PPP5C: variants seen among roughly 807,000 people sequenced by gnomAD.
PPP5C encodes the protein protein phosphatase 5 catalytic subunit, also known as serine/threonine-protein phosphatase 5.
In PPP5C, 21 loss-of-function variants were observed where a neutral mutation model predicts 66.7. The observed-to-expected ratio is 0.31, with a 90% CI of 0.22 to 0.45. PPP5C has a LOEUF of 0.45. PPP5C is among the 20% of genes least tolerant of loss of function. PPP5C has a pLI of 1.00. For synonymous variants in PPP5C, 246 were observed against 257.4 expected (o/e 0.96, Z 0.43); for missense variants, 464 against 675.9 (o/e 0.69, Z 3.48).
intron 1 of PPP5C, among the ~76,000 whole-genome samples, chr19:46,350,688 G>C (rs1037897256): frequency 6.6e-6 from 1 of 152,162 alleles, no homozygotes; most frequent in African/African-American, 2.4e-5. Context: ...AATCCTCCCC[G>C]GGGGCTGGGA....
At position 46,387,396 on chromosome 19, in the gene PPP5C, G is replaced by T. The variant is rs780293038; in HGVS notation, c.1078G>T (p.Gly360Cys). The T allele has an allele frequency of 1.2e-6, 2 of 1,611,218 alleles. No homozygotes were observed. The highest frequency in any genetic ancestry group is 1.7e-6 in the Non-Finnish European group (2 of 1,177,598). The change falls in exon 9 of 13, where the codon GGT becomes TGT. Residue 360 changes from glycine (G) to cysteine (C), a missense_variant. Physicochemically the swap from Gly to Cys is radical, Grantham distance 159. Around this residue, in one of 2 missense-constraint regions of PPP5C, gnomAD observed 387 missense variants for 626.0 expected, o/e 0.62. Coordinates refer to ENST00000012443, the MANE Select transcript of PPP5C (RefSeq NM_006247.4). ...IMHGGLFSED[G>C]VTLDDIRKIE... Reference sequence around the variant, plus strand: ...GCACGGAGGCCTGTTCAGTGAAGACGGTGTCACCCTGGATGACATCCGGAA... The same window carrying T: ...GCACGGAGGCCTGTTCAGTGAAGACTGTGTCACCCTGGATGACATCCGGAA...
intron 1 of PPP5C, among the ~76,000 whole-genome samples, chr19:46,349,059 T>C (rs1302335016): frequency 6.6e-6 from 1 of 150,828 alleles, no homozygotes; most frequent in Non-Finnish European, 1.5e-5. Flanking sequence ...AGTGGAGAAA[T>C]GGGGGAGGGT....
chr19:46,375,853 C>G (rs1972685756), intron 3 of PPP5C, 102 bp downstream of exon 3: 9 of 1,471,902 alleles, frequency 6.1e-6, no homozygotes, highest in South Asian at 2.8e-5. Context: ...GCCCCTTGTT[C>G]TGTCCCCAGG....
rs553661226 is a variant in PPP5C at position 46,353,249 on chromosome 19, C to T, written c.122-499C>T. Among the ~76,000 whole-genome samples the T allele has an allele frequency of 1.0e-3, 156 of 152,256 alleles. 1 individual carries two copies. Among genetic ancestry groups the T allele is most frequent in the Non-Finnish European group, 8.1e-4 (55 of 68,020 alleles). ...GCTATAGCTCATCTCAAATAAAATCCGACCTCTCCTCCTTGGCCAGATGTC... is the reference window on the plus strand; with the variant it reads ...GCTATAGCTCATCTCAAATAAAATCTGACCTCTCCTCCTTGGCCAGATGTC... On this transcript the variant is annotated intron_variant, in intron 1 of 12. Transcript: ENST00000012443.
At chr19:46,355,043 T>A (rs1972259916) in intron 2 of PPP5C, among the ~76,000 whole-genome samples, 2 of 152,236 alleles carry the variant, frequency 1.3e-5, no homozygotes, top group Admixed American at 1.3e-4. Context: ...GAACTGGGAT[T>A]ACTCCCCTTG....
At chr19:46,361,040 G>GT (rs1292951029) in intron 2 of PPP5C, among the ~76,000 whole-genome samples, 2 of 148,454 alleles carry the variant, frequency 1.3e-5, no homozygotes, top group African/African-American at 2.5e-5. Flanking sequence ...CCCCTTTTTT[G>GT]TTTTTTCTGT....
rs575982068 is a variant in PPP5C at position 46,365,521 on chromosome 19, T to C, written c.364-10083T>C. ...GTGTCACTCTTCCAGGTGTCACCAG[T>C]GAATCGTGAGGCATGTTCTTATGTG... On this transcript the variant is annotated intron_variant, in intron 2 of 12. Coordinates refer to ENST00000012443, the MANE Select transcript of PPP5C (RefSeq NM_006247.4). Among the ~76,000 whole-genome samples the C allele has an allele frequency of 2.6e-5, 4 of 152,326 alleles. No individual in the cohort carries two copies. In the South Asian group the frequency reaches 8.3e-4, roughly 32 times the overall value.
chr19:46,370,848 C>T (rs1268351329), intron 2 of PPP5C, among the ~76,000 whole-genome samples: 1 of 152,074 alleles, frequency 6.6e-6, no homozygotes, highest in Non-Finnish European at 1.5e-5. Flanking sequence ...TCATACCATT[C>T]TCCTGCTTCA....
intron 2 of PPP5C, among the ~76,000 whole-genome samples, chr19:46,372,953 G>A (rs146298351): frequency 5.7e-4 from 87 of 152,380 alleles, no homozygotes; most frequent in African/African-American, 2.0e-3. Context: ...GACCTTGCGT[G>A]TCGCAGCAGC....
intron 2 of PPP5C, among the ~76,000 whole-genome samples, chr19:46,356,677 A>G (rs1015883671): frequency 6.6e-6 from 1 of 152,224 alleles, no homozygotes; most frequent in African/African-American, 2.4e-5. Context: ...CTGGGCCACA[A>G]TCAGTTGAAT....
chr19:46,378,678 CATT>C (rs1972737845), intron 4 of PPP5C, among the ~76,000 whole-genome samples: 2 of 152,182 alleles, frequency 1.3e-5, no homozygotes, highest in African/African-American at 2.4e-5. Flanking sequence ...TGAATTGACT[CATT>C]ATAATGAAGT....
chr19:46,375,192 T>G (rs10415461), intron 2 of PPP5C, among the ~76,000 whole-genome samples: 9,530 of 152,202 alleles, frequency 0.063, 624 homozygotes, highest in African/African-American at 0.17. Context: ...TGTGTGAGTC[T>G]GGGCTGTTCT....
chr19:46,353,980 C>T lies in PPP5C; in HGVS notation c.354C>T (p.Asp118=), dbSNP rs774883591. 3 of 1,611,180 alleles carry T rather than the reference C, an allele frequency of 1.9e-6. No homozygotes were observed. Among genetic ancestry groups the T allele is most frequent in the Non-Finnish European group, 2.5e-6 (3 of 1,179,394 alleles). ...GCAAGTTCCGGGCCGCGCTGCGAGA[C>T]TACGAGACGGTGAGCTGGGGAGTGG... ...ALGKFRAALR[D]YETVVKVKPH... The change falls in exon 2 of 13, where the codon GAC becomes GAT. Residue 118 remains aspartate (D), a synonymous_variant. Transcript: ENST00000012443.
At chr19:46,387,744 C>T (rs1972916526) in intron 9 of PPP5C, 1 of 1,344,346 alleles carries the variant, frequency 7.4e-7, no homozygotes, top group African/African-American at 1.5e-5. Flanking sequence ...GAGGGGAGGT[C>T]TTGGGGCTCC....
intron 6 of PPP5C, chr19:46,384,453 C>A: frequency 3.4e-6 from 1 of 297,996 alleles, no homozygotes; most frequent in Non-Finnish European, 6.6e-6. Context: ...TGGGAGGGCC[C>A]GTGTCCCATC....
chr19:46,370,889 C>T (rs1195245179), intron 2 of PPP5C, among the ~76,000 whole-genome samples: 1 of 152,080 alleles, frequency 6.6e-6, no homozygotes, highest in Non-Finnish European at 1.5e-5. Context: ...TACAGGTGCC[C>T]GCCACTGCGT....
At chr19:46,347,823 A>G (rs1972110493) in intron 1 of PPP5C, among the ~76,000 whole-genome samples, 2 of 151,848 alleles carry the variant, frequency 1.3e-5, no homozygotes, top group South Asian at 4.1e-4. Flanking sequence ...AATTCAACAA[A>G]TATTTATTGA....
intron 1 of PPP5C, among the ~76,000 whole-genome samples, chr19:46,351,181 A>ATT (rs1972177341): frequency 6.6e-6 from 1 of 152,062 alleles, no homozygotes. Flanking sequence ...CTGGGTTCAA[A>ATT]CCCTATGTCT....
At chr19:46,358,219 C>A (rs1972320898) in intron 2 of PPP5C, among the ~76,000 whole-genome samples, 1 of 152,164 alleles carries the variant, frequency 6.6e-6, no homozygotes, top group African/African-American at 2.4e-5. Flanking sequence ...TCCCTCATAT[C>A]CAAAGAATAT....
Sources: allele counts gnomAD v4.1 joint callset (sites outside exome capture counted in the v4.1 genomes callset), GRCh38; gene constraint gnomAD v4.1.1; regional missense constraint gnomAD v4.1.1; transcripts MANE v1.5; gene names NCBI Gene and HGNC (gene_info 2026-07-23, HGNC 2026-07-21).